Variants in DIS3 observed in about 807,000 individuals in gnomAD.
DIS3 encodes the protein exosome complex exonuclease RRP44.
Under a neutral mutation model 113.0 loss-of-function variants are expected in DIS3, and 103 were observed. That is an observed-to-expected ratio of 0.91 (90% confidence interval 0.78 to 1.07). DIS3 has a LOEUF of 1.07. Among genes scored for constraint, DIS3 ranks in the 50% least tolerant of loss-of-function variants. The probability of loss-of-function intolerance (pLI) is 0.00; values close to 1 mark genes in which losing one functional copy is unlikely to be tolerated. For synonymous variants in DIS3, 402 were observed against 394.3 expected, an observed-to-expected ratio of 1.02 and a Z score of -0.23; for missense variants, 1,121 against 1,167.1, an observed-to-expected ratio of 0.96 and a Z score of 0.58.
chr13:72,764,851 C>T (rs1201031824), intron 15 of DIS3, among the ~76,000 whole-genome samples: 1 of 152,086 alleles, frequency 6.6e-6, no homozygotes, highest in Non-Finnish European at 1.5e-5. Flanking sequence ...TGATATTTTA[C>T]TTTGGCAAAG....
rs2033920701 is a variant in DIS3, at chr13:72,772,854, C to T, written c.1240-15G>A. The T allele has an allele frequency of 6.4e-7, 1 of 1,573,192 alleles. No homozygotes were observed. Among genetic ancestry groups the T allele is most frequent in the African/African-American group, 1.4e-5 (1 of 72,782 alleles). ...ACAAAGTGTCCCTGAAACCAAGAGG[C>T]ATTATTAGAAACGCCTATTTTATAG... On this transcript the variant is annotated splice_polypyrimidine_tract_variant and intron_variant, in intron 8 of 20. Coordinates refer to ENST00000377767, the MANE Select transcript of DIS3 (RefSeq NM_014953.5).
chr13:72,753,639 T>C lies in DIS3; in HGVS notation c.*6156A>G, dbSNP rs1593824069. 1 of 1,550,470 alleles carries C rather than the reference T, an allele frequency of 6.4e-7. No individual in the cohort carries two copies. The highest frequency in any genetic ancestry group is 1.4e-5 in the African/African-American group (1 of 72,892). ...TTATAGTGGTTTACTTATTTAAATA[T>C]TTGACTTTTAAGTTCCTCACAATAT... On this transcript the variant is annotated 3_prime_UTR_variant, in exon 21 of 21. Transcript: ENST00000377767.
intron 13 of DIS3, among the ~76,000 whole-genome samples, chr13:72,769,554 A>G (rs1363500749): frequency 2.0e-5 from 3 of 151,340 alleles, no homozygotes; most frequent in South Asian, 2.1e-4. Flanking sequence ...AAGAAAGAGC[A>G]TAACAGAGTT....
Position 72,765,765 on chromosome 13 carries a change from GT to G in DIS3, c.1970+206del, listed in dbSNP as rs1255825144. ...CAAAGCAAACAAATTCAAATTGAAA[GT>G]TTTTCTATTATGCGACTAAACGCAG... On this transcript the variant is annotated intron_variant, in intron 15 of 20. Coordinates refer to ENST00000377767, the MANE Select transcript of DIS3 (RefSeq NM_014953.5). Among the ~76,000 whole-genome samples the G allele has an allele frequency of 7.2e-5, 11 of 152,268 alleles. No homozygotes were observed. In the East Asian group the frequency reaches 2.1e-3, roughly 29 times the overall value.
chr13:72,765,058 A>G (rs1442180127), intron 15 of DIS3, among the ~76,000 whole-genome samples: 1 of 152,224 alleles, frequency 6.6e-6, no homozygotes, highest in African/African-American at 2.4e-5. Flanking sequence ...AGAAAAGTGC[A>G]TATGCATGTT....
In DIS3 at chr13:72,755,270, T is replaced by G. The variant is rs2033427077; in HGVS notation, c.*4525A>C. On this transcript the variant is annotated 3_prime_UTR_variant, in exon 21 of 21. Transcript: ENST00000377767. The stretch of plus-strand genomic sequence containing the variant: ...CTTAAGAGTTCCTCGCATATATCGT[T>G]GTGCACAGGATCAACATGATGGTGA... The G allele has an allele frequency of 6.9e-7, 1 of 1,439,260 alleles. No homozygotes were observed. 89.2% of individuals were successfully genotyped at this position (1,439,260 alleles called of 1,614,324 possible). A position where few individuals can be genotyped will look rare whatever the true frequency, so the allele number is the denominator to read the frequency against.
intron 3 of DIS3, 102 bp downstream of exon 3, chr13:72,778,085 C>G (rs1347365465): frequency 1.9e-6 from 2 of 1,076,556 alleles, no homozygotes; most frequent in African/African-American, 3.1e-5. Flanking sequence ...TATAGGACTA[C>G]GAAAATACTA....
chr13:72,755,242 A>AAGCTTT lies in DIS3; in HGVS notation c.*4552_*4553insAAAGCT. 6.3e-7 allele frequency: 1 copy of AAGCTTT among 1,581,638 alleles called. No individual in the cohort carries two copies. The highest frequency in any genetic ancestry group is 8.7e-7 in the Non-Finnish European group (1 of 1,151,580). On this transcript the variant is annotated 3_prime_UTR_variant, in exon 21 of 21. Transcript: ENST00000377767. Reference sequence around the variant, plus strand: ...AATGCCTCTGTCAGAATCAAAGACTAAGCTTAAGAGTTCCTCGCATATATC... The same window carrying AAGCTTT: ...AATGCCTCTGTCAGAATCAAAGACTAAGCTTTAGCTTAAGAGTTCCTCGCATATATC...
chr13:72,760,531 G>A lies in DIS3; in HGVS notation c.2791C>T (p.Gln931Ter). 4 of 1,613,458 alleles carry A rather than the reference G, an allele frequency of 2.5e-6. No homozygotes were observed. Among genetic ancestry groups the A allele is most frequent in the Non-Finnish European group, 2.5e-6 (3 of 1,179,592 alleles). ...GGAAATTTTAAGTTTGGCCTTACCT[G>A]TGGTTCTACCAGGGACATTCGGATC... ...QKIRMSLVEP[Q>*]IPGISIPTDT... The change falls in exon 20 of 21, where the codon CAG becomes TAG. Residue 931 changes from glutamine to a stop codon, truncating the protein, a stop_gained and splice_region_variant. Coordinates refer to ENST00000377767, the MANE Select transcript of DIS3 (RefSeq NM_014953.5). LOFTEE classifies it high-confidence loss of function.
Position 72,755,221 on chromosome 13 carries a change from C to A in DIS3, c.*4574G>T. On this transcript the variant is annotated 3_prime_UTR_variant, in exon 21 of 21. Transcript: ENST00000377767. Reference sequence around the variant, plus strand: ...TTTCAATGCAGCAGTCCATAGAATGCCTCTGTCAGAATCAAAGACTAAGCT... The same window carrying A: ...TTTCAATGCAGCAGTCCATAGAATGACTCTGTCAGAATCAAAGACTAAGCT... 6.2e-7 allele frequency: 1 copy of A among 1,603,150 alleles called. No individual in the cohort carries two copies. Among genetic ancestry groups the A allele is most frequent in the Non-Finnish European group, 8.5e-7 (1 of 1,170,702 alleles).
At position 72,754,504 on chromosome 13, in the gene DIS3, T is replaced by C. The variant is rs1403169659; in HGVS notation, c.*5291A>G. 1 of 151,952 alleles carries C rather than the reference T, an allele frequency of 6.6e-6. No individual in the cohort carries two copies. The highest frequency in any genetic ancestry group is 1.9e-4 in the East Asian group (1 of 5,166). 9.4% of individuals were successfully genotyped at this position (151,952 alleles called of 1,614,324 possible). On this transcript the variant is annotated 3_prime_UTR_variant, in exon 21 of 21. Coordinates refer to ENST00000377767, the MANE Select transcript of DIS3 (RefSeq NM_014953.5). ...TATGCCAGTTTCTTATAAAATACTA[T>C]AAATATCAGCAAATGTGCAACAAAT...
intron 14 of DIS3, 109 bp downstream of exon 14, chr13:72,768,674 TAG>T: frequency 1.3e-6 from 1 of 788,574 alleles, no homozygotes; most frequent in Non-Finnish European, 1.9e-6. Flanking sequence ...AAATGGAAGC[TAG>T]AAGAAACAGG....
intron 15 of DIS3, among the ~76,000 whole-genome samples, 170 bp downstream of exon 15, chr13:72,765,802 G>A (rs946662491): frequency 3.9e-5 from 6 of 152,176 alleles, no homozygotes; most frequent in Non-Finnish European, 8.8e-5. Context: ...TTTTATAGAA[G>A]AAAAACTGAG....
chr13:72,758,697 T>C lies in DIS3; in HGVS notation c.*1098A>G, dbSNP rs2033553498. ...AACTGGAAAAATTAGTCAACATTTA[T>C]TGAGTGCCTAAATGACTACCTATTT... On this transcript the variant is annotated 3_prime_UTR_variant, in exon 21 of 21. Transcript: ENST00000377767. 4.7e-6 allele frequency: 1 copy of C among 214,232 alleles called. No homozygotes were observed. The highest frequency in any genetic ancestry group is 9.4e-6 in the Non-Finnish European group (1 of 106,010). 13.3% of individuals were successfully genotyped at this position (214,232 alleles called of 1,614,324 possible).
In DIS3 at chr13:72,772,844, A is replaced by C; in HGVS notation, c.1240-5T>G. The C allele has an allele frequency of 6.3e-7, 1 of 1,588,682 alleles. No homozygotes were observed. The highest frequency in any genetic ancestry group is 1.4e-5 in the African/African-American group (1 of 73,540). ...TAAATTTCTCACAAAGTGTCCCTGA[A>C]ACCAAGAGGCATTATTAGAAACGCC... On this transcript the variant is annotated splice_polypyrimidine_tract_variant and splice_region_variant and intron_variant, in intron 8 of 20. Transcript: ENST00000377767.
Position 72,781,820 on chromosome 13 carries a change from T to C in DIS3, c.13A>G (p.Lys5Glu). 2 of 1,594,446 alleles carry C rather than the reference T, an allele frequency of 1.3e-6. No homozygotes were observed. Among genetic ancestry groups the C allele is most frequent in the Non-Finnish European group, 1.7e-6 (2 of 1,168,932 alleles). The change falls in exon 1 of 21, where the codon AAG becomes GAG. Residue 5 changes from lysine (K) to glutamate (E), a missense_variant. Lys to Glu is a moderately conservative substitution (Grantham distance 56). Around this residue, in one of 3 missense-constraint regions of DIS3, gnomAD observed 254 missense variants for 232.2 expected, o/e 1.09. Transcript: ENST00000377767. MLKS[K>E]TFLKKTRAGG... ...GCCCGGGTCTTTTTTAAGAACGTCT[T>C]GGACTTGAGCATCTTGCCTCGCCGC...
intron 2 of DIS3, among the ~76,000 whole-genome samples, chr13:72,780,503 C>G (rs1322498430): frequency 6.6e-6 from 1 of 152,042 alleles, no homozygotes; most frequent in Non-Finnish European, 1.5e-5. Context: ...GTTAGTTGTT[C>G]ACATAATATG....
In DIS3 at chr13:72,761,731, T is replaced by A; in HGVS notation, c.2426A>T (p.Lys809Met). The change falls in exon 18 of 21, where the codon AAG (lysine) becomes ATG (methionine). Residue 809 changes from lysine to methionine, a missense_variant. Physicochemically the swap from Lys to Met is moderately conservative, Grantham distance 95. Coordinates refer to ENST00000377767, the MANE Select transcript of DIS3 (RefSeq NM_014953.5). The stretch of plus-strand genomic sequence containing the variant: ...TAGATTTTTACATATATCTGCAAGC[T>A]TGTGTTTGTCTGTCAACTCTGGATA... ...CTYPELTDKH[K>M]LADICKNLNF... 2 of 1,613,954 alleles carry A rather than the reference T, an allele frequency of 1.2e-6. No homozygotes were observed. Among genetic ancestry groups the A allele is most frequent in the South Asian group, 2.2e-5 (2 of 90,986 alleles).
chr13:72,773,129 A>G lies in DIS3; in HGVS notation c.1240-290T>C, dbSNP rs367901560. ...AAAATTTGTTGATTAGAATCTATAT[A>G]GAACTCACTTTTCATAGTCATGATC... On this transcript the variant is annotated intron_variant, in intron 8 of 20. Coordinates refer to ENST00000377767, the MANE Select transcript of DIS3 (RefSeq NM_014953.5). Among the ~76,000 whole-genome samples the G allele has an allele frequency of 3.0e-4, 45 of 152,342 alleles. No individual in the cohort carries two copies. The East Asian group carries it at 4.4e-3, about 15-fold the overall frequency.
Sources: allele counts gnomAD v4.1 joint callset (sites outside exome capture counted in the v4.1 genomes callset), GRCh38; gene constraint gnomAD v4.1.1; regional missense constraint gnomAD v4.1.1; transcripts MANE v1.5; gene names NCBI Gene and HGNC (gene_info 2026-07-23, HGNC 2026-07-21).